Variants in SETBP1 observed in about 807,000 individuals in gnomAD.
SETBP1 encodes the protein SET binding protein 1.
In SETBP1, 9 loss-of-function variants were observed where a neutral mutation model predicts 101.0. The ratio of observed to expected loss-of-function variants is 0.09; its 90% CI spans 0.05 to 0.16. SETBP1 has a LOEUF of 0.16. SETBP1 is among the 10% of genes least tolerant of loss of function. The pLI, the probability that SETBP1 is intolerant of heterozygous loss-of-function variation, is 1.00. For synonymous variants in SETBP1, 818 were observed against 788.5 expected (o/e 1.04, Z -0.63); for missense variants, 1,858 against 2,033.8 (o/e 0.91, Z 1.66).
At chr18:44,730,621 C>T (rs903597620) in intron 2 of SETBP1, among the ~76,000 whole-genome samples, 13 of 152,190 alleles carry the variant, frequency 8.5e-5, no homozygotes, top group African/African-American at 3.1e-4. Context: ...TTGACACATG[C>T]TCCCTGTTGT....
At chr18:45,019,771 CA>C (rs1219867192) in intron 4 of SETBP1, among the ~76,000 whole-genome samples, 7 of 152,048 alleles carry the variant, frequency 4.6e-5, no homozygotes, top group African/African-American at 1.7e-4. Flanking sequence ...AATTAAGAAA[CA>C]AGCCATTTGT....
At chr18:44,881,267 G>A (rs1056160428) in intron 3 of SETBP1, among the ~76,000 whole-genome samples, 1 of 152,176 alleles carries the variant, frequency 6.6e-6, no homozygotes, top group Non-Finnish European at 1.5e-5. Context: ...TGAATTAAAT[G>A]AGCTTGATTC....
At chr18:44,877,503 C>T (rs770088224) in intron 3 of SETBP1, 20 of 336,672 alleles carry the variant, frequency 5.9e-5, no homozygotes, top group Non-Finnish European at 8.4e-5. Flanking sequence ...TGGTTCCACT[C>T]GTAACAGTAT....
chr18:44,832,674 T>A (rs558092338), intron 2 of SETBP1, among the ~76,000 whole-genome samples: 17 of 152,286 alleles, frequency 1.1e-4, no homozygotes, highest in African/African-American at 3.8e-4. Context: ...TTCCTGCCCC[T>A]CTGAGGCAGG....
At chr18:44,706,575 G>A (rs972601539) in intron 2 of SETBP1, among the ~76,000 whole-genome samples, 1 of 74,010 alleles carries the variant, frequency 1.4e-5, no homozygotes, top group Non-Finnish European at 2.4e-5. Flanking sequence ...TTGGGTGACA[G>A]AATGAGACTC....
chr18:44,762,087 A>G (rs2070663660), intron 2 of SETBP1, among the ~76,000 whole-genome samples: 1 of 151,866 alleles, frequency 6.6e-6, no homozygotes, highest in African/African-American at 2.4e-5. Context: ...TGGTCTTTCA[A>G]GGTTTACCTC....
intron 2 of SETBP1, among the ~76,000 whole-genome samples, chr18:44,766,169 T>C (rs980191635): frequency 1.3e-5 from 2 of 152,214 alleles, no homozygotes; most frequent in African/African-American, 4.8e-5. Flanking sequence ...AAAGGAGGCT[T>C]ACTGTTCAGT....
At chr18:44,840,899 A>G (rs2072602667) in intron 2 of SETBP1, among the ~76,000 whole-genome samples, 2 of 152,340 alleles carry the variant, frequency 1.3e-5, no homozygotes, top group Middle Eastern at 6.8e-3. Context: ...AATGCTTTTA[A>G]TAGCTTCTAA....
At chr18:45,029,480 G>C (rs1331731665) in intron 4 of SETBP1, among the ~76,000 whole-genome samples, 5 of 152,178 alleles carry the variant, frequency 3.3e-5, no homozygotes, top group Non-Finnish European at 7.3e-5. Context: ...GCTTAGGATT[G>C]ACTTGGCGAT....
intron 2 of SETBP1, among the ~76,000 whole-genome samples, chr18:44,791,538 A>G (rs977014302): frequency 6.6e-6 from 1 of 152,156 alleles, no homozygotes; most frequent in African/African-American, 2.4e-5. Flanking sequence ...GGACACATTC[A>G]GGGTTTCTAG....
At chr18:44,845,966 C>T (rs879164518) in intron 2 of SETBP1, among the ~76,000 whole-genome samples, 1 of 152,184 alleles carries the variant, frequency 6.6e-6, no homozygotes, top group African/African-American at 2.4e-5. Flanking sequence ...TTTGGCTTTC[C>T]TTCTGTGCCT....
At chr18:44,920,820 G>T (rs2070563092) in intron 3 of SETBP1, among the ~76,000 whole-genome samples, 1 of 151,392 alleles carries the variant, frequency 6.6e-6, no homozygotes, top group South Asian at 2.1e-4. Flanking sequence ...TATACTGATA[G>T]ATTAATTAAA....
intron 3 of SETBP1, among the ~76,000 whole-genome samples, chr18:44,940,477 C>A (rs1203720517): frequency 6.6e-6 from 1 of 152,042 alleles, no homozygotes; most frequent in Non-Finnish European, 1.5e-5. Context: ...AGTCATCAAG[C>A]ATTTTTTTGT....
At chr18:44,904,447 T>A (rs2070126032) in intron 3 of SETBP1, among the ~76,000 whole-genome samples, 1 of 152,182 alleles carries the variant, frequency 6.6e-6, no homozygotes, top group South Asian at 2.1e-4. Context: ...AATGTCCTCT[T>A]TATAGTGTTT....
At position 44,778,264 on chromosome 18, in the gene SETBP1, A is replaced by T. The variant is rs549663244; in HGVS notation, c.486+76432A>T. Among the ~76,000 whole-genome samples the T allele has an allele frequency of 9.2e-5, 14 of 152,256 alleles. No homozygotes were observed. The South Asian group carries it at 2.9e-3, about 32-fold the overall frequency. On this transcript the variant is annotated intron_variant, in intron 2 of 5. Transcript: ENST00000649279. ...GAGTAGAGAACAGTCCCTCCTTCCC[A>T]TCCCCCTCTTATTCTCAGCCTAGGG...
chr18:44,965,999 A>T (rs552564594), intron 4 of SETBP1, among the ~76,000 whole-genome samples: 1 of 152,198 alleles, frequency 6.6e-6, no homozygotes, highest in East Asian at 1.9e-4. Context: ...CATTTCAGTG[A>T]TCCTTTGGGC....
intron 3 of SETBP1, among the ~76,000 whole-genome samples, chr18:44,932,911 A>G (rs1379538281): frequency 6.6e-6 from 1 of 152,158 alleles, no homozygotes; most frequent in Non-Finnish European, 1.5e-5. Context: ...AGCTCAGAGA[A>G]GTTTGTTATT....
rs1374789872 is a variant in SETBP1, at chr18:44,952,102, A to G, written c.2762A>G (p.His921Arg). ...TKNRHGHRQK[H>R]LIVDNFLAHE... ...AACCGGCATGGCCACCGGCAAAAGC[A>G]TCTCATTGTGGACAACTTTCTGGCC... The change falls in exon 4 of 6, where the codon CAT (histidine) becomes CGT (arginine). Residue 921 changes from histidine (H) to arginine (R), a missense_variant. This residue lies in a region of SETBP1 where 255 missense variants were observed against 300.1 expected (regional missense o/e 0.85). Coordinates refer to ENST00000649279, the MANE Select transcript of SETBP1 (RefSeq NM_015559.3). 2.5e-6 allele frequency: 4 copies of G among 1,614,098 alleles called. No individual in the cohort carries two copies. The highest frequency in any genetic ancestry group is 1.1e-5 in the South Asian group (1 of 91,070).
chr18:44,777,285 C>CA (rs1238896050), intron 2 of SETBP1, among the ~76,000 whole-genome samples: 1 of 152,062 alleles, frequency 6.6e-6, no homozygotes, highest in Admixed American at 6.6e-5. Context: ...AACTCCATCT[C>CA]AAAAAAATAA....
Sources: gnomAD v4.1 joint callset for allele counts (sites outside exome capture counted in the v4.1 genomes callset) on GRCh38, gnomAD v4.1.1 for gene constraint, gnomAD v4.1.1 regional missense constraint, MANE v1.5 for transcripts, NCBI Gene and HGNC (gene_info 2026-07-23, HGNC 2026-07-21) for gene names.